Variants in SMCO4 observed in about 807,000 individuals in gnomAD.
SMCO4 encodes the protein single-pass membrane and coiled-coil domain-containing protein 4.
SMCO4 carries 4 observed loss-of-function variants against 3.6 expected under a neutral mutation model. The observed-to-expected ratio is 1.11, with a 90% confidence interval of 0.54 to 2.53. The LOEUF (loss-of-function observed/expected upper bound fraction) is 2.53. Ranked by LOEUF, SMCO4 falls within the 30% of genes most tolerant of loss-of-function variation. The pLI is 0.02. For synonymous variants in SMCO4, 36 were observed against 35.3 expected (o/e 1.02, Z -0.07); for missense variants, 70 against 80.8 (o/e 0.87, Z 0.51).
chr11:93,542,273 C>T (rs961730677), intron 1 of SMCO4, among the ~76,000 whole-genome samples: 1 of 152,208 alleles, frequency 6.6e-6, no homozygotes, highest in African/African-American at 2.4e-5. Flanking sequence ...ACCCTCGAGG[C>T]TGTGAGCAGA....
At chr11:93,512,860 T>C (rs978348874) in intron 1 of SMCO4, among the ~76,000 whole-genome samples, 2 of 152,178 alleles carry the variant, frequency 1.3e-5, no homozygotes, top group South Asian at 4.1e-4. Context: ...TACAGGGCAA[T>C]ACAGAGTACT....
chr11:93,489,703 AAC>A (rs1221136901), intron 2 of SMCO4, among the ~76,000 whole-genome samples: 6 of 152,372 alleles, frequency 3.9e-5, no homozygotes, highest in Non-Finnish European at 8.8e-5. Context: ...ATAGGCCCTG[AAC>A]CTGAAATCTG....
At chr11:93,531,408 C>T (rs1276653775) in intron 1 of SMCO4, among the ~76,000 whole-genome samples, 2 of 152,056 alleles carry the variant, frequency 1.3e-5, no homozygotes, top group African/African-American at 4.8e-5. Context: ...ACCATTGGCT[C>T]TCCTGGGTCT....
intron 1 of SMCO4, among the ~76,000 whole-genome samples, 176 bp from the exon 2 acceptor site, chr11:93,499,524 GAT>G (rs1948814031): frequency 6.6e-6 from 1 of 152,216 alleles, no homozygotes; most frequent in Admixed American, 6.5e-5. Flanking sequence ...CAGACAGACA[GAT>G]ACACTGGCAC....
At chr11:93,510,121 T>C (rs1023132140) in intron 1 of SMCO4, among the ~76,000 whole-genome samples, 1 of 152,186 alleles carries the variant, frequency 6.6e-6, no homozygotes, top group African/African-American at 2.4e-5. Flanking sequence ...CACCACCTAC[T>C]TGACAAGGTT....
intron 2 of SMCO4, among the ~76,000 whole-genome samples, chr11:93,496,854 T>C (rs1397128849): frequency 6.6e-6 from 1 of 152,240 alleles, no homozygotes; most frequent in African/African-American, 2.4e-5. Flanking sequence ...GATTTCTCGA[T>C]ACTGATGCTT....
chr11:93,484,337 A>C (rs1196622380), intron 2 of SMCO4, among the ~76,000 whole-genome samples: 1 of 152,176 alleles, frequency 6.6e-6, no homozygotes, highest in African/African-American at 2.4e-5. Context: ...CTAACTTCTT[A>C]TATGCACTTT....
chr11:93,519,303 A>T (rs1393403426), intron 1 of SMCO4, among the ~76,000 whole-genome samples: 2 of 152,228 alleles, frequency 1.3e-5, no homozygotes, highest in African/African-American at 4.8e-5. Context: ...AAGTTATCTG[A>T]AGAACACAGA....
chr11:93,507,933 T>C (rs1591315329), intron 1 of SMCO4, among the ~76,000 whole-genome samples: 2 of 152,336 alleles, frequency 1.3e-5, no homozygotes, highest in East Asian at 3.9e-4. Context: ...AGTAAAACAA[T>C]GTCACTCTTC....
chr11:93,527,614 G>A (rs1200119615), intron 1 of SMCO4, among the ~76,000 whole-genome samples: 2 of 151,340 alleles, frequency 1.3e-5, no homozygotes, highest in African/African-American at 4.9e-5. Context: ...ACACCACCAC[G>A]CATAACTAAT....
intron 2 of SMCO4, among the ~76,000 whole-genome samples, chr11:93,481,891 G>C (rs1410269088): frequency 6.6e-6 from 1 of 152,204 alleles, no homozygotes; most frequent in Non-Finnish European, 1.5e-5. Flanking sequence ...GCCATGCCCT[G>C]GCTGGCTGGC....
At chr11:93,481,588 G>T (rs1267682334) in intron 2 of SMCO4, 33 of 922,162 alleles carry the variant, frequency 3.6e-5, no homozygotes, top group Non-Finnish European at 4.0e-5. Flanking sequence ...CCCCATCACG[G>T]AAGGGAGGAA....
intron 1 of SMCO4, among the ~76,000 whole-genome samples, chr11:93,536,317 T>C (rs909228163): frequency 4.6e-5 from 7 of 152,224 alleles, no homozygotes; most frequent in Non-Finnish European, 7.3e-5. Context: ...ATGCCAATTC[T>C]ACTCCTAGAG....
chr11:93,539,106 T>C (rs879623860), intron 1 of SMCO4, among the ~76,000 whole-genome samples: 1 of 152,152 alleles, frequency 6.6e-6, no homozygotes, highest in African/African-American at 2.4e-5. Context: ...CATTTCCACA[T>C]CTGTGTGTTG....
intron 2 of SMCO4, among the ~76,000 whole-genome samples, chr11:93,484,755 G>A (rs76889079): frequency 1.5e-3 from 223 of 149,354 alleles, no homozygotes; most frequent in Non-Finnish European, 2.8e-3. Context: ...TCTTTTCCCT[G>A]AGGTACCAAT....
chr11:93,497,070 C>T (rs1314701791), intron 2 of SMCO4, among the ~76,000 whole-genome samples: 1 of 152,184 alleles, frequency 6.6e-6, no homozygotes, highest in African/African-American at 2.4e-5. Flanking sequence ...AAATCACATC[C>T]TGCTTTTAAT....
At chr11:93,497,033 C>A (rs1035288297) in intron 2 of SMCO4, among the ~76,000 whole-genome samples, 4 of 152,140 alleles carry the variant, frequency 2.6e-5, no homozygotes, top group African/African-American at 9.7e-5. Flanking sequence ...AGATGGTGGC[C>A]TGTTTTAGGA....
intron 1 of SMCO4, among the ~76,000 whole-genome samples, chr11:93,504,374 CT>C (rs1231440360): frequency 3.3e-5 from 5 of 152,196 alleles, no homozygotes; most frequent in African/African-American, 1.2e-4. Flanking sequence ...AAGTTTCAGG[CT>C]TCTTTGAAGA....
intron 1 of SMCO4, among the ~76,000 whole-genome samples, chr11:93,510,296 A>G (rs2134608749): frequency 1.3e-5 from 2 of 152,342 alleles, no homozygotes; most frequent in Admixed American, 1.3e-4. Flanking sequence ...CTCAAATGTC[A>G]AGGTTTCAAC....
Sources: gnomAD v4.1 joint callset for allele counts (sites outside exome capture counted in the v4.1 genomes callset) on GRCh38, gnomAD v4.1.1 for gene constraint, MANE v1.5 for transcripts, NCBI Gene and HGNC (gene_info 2026-07-23, HGNC 2026-07-21) for gene names.